GPRIN2: variants seen among roughly 807,000 people sequenced by gnomAD.
The protein encoded by GPRIN2 is G protein regulated inducer of neurite outgrowth 2.
A neutral mutation model predicts 0.3 loss-of-function variants in GPRIN2; 1 was observed. The ratio of observed to expected loss-of-function variants is 3.90; its 90% CI spans 1.39 to 18.51. The LOEUF is 18.51. Ranked by LOEUF, GPRIN2 falls within the 30% of genes most tolerant of loss-of-function variation. GPRIN2 has a pLI of 0.11. For synonymous variants in GPRIN2, 361 were observed against 258.6 expected, an observed-to-expected ratio of 1.40 and a Z score of -3.80; for missense variants, 880 against 604.2, an observed-to-expected ratio of 1.46 and a Z score of -4.79.
In GPRIN2 at chr10:46,550,253, A is replaced by G; in HGVS notation, c.484T>C (p.Ser162Pro). 8 of 1,610,424 alleles carry G rather than the reference A, an allele frequency of 5.0e-6. No homozygotes were observed. The highest frequency in any genetic ancestry group is 6.8e-6 in the Non-Finnish European group (8 of 1,177,994). The change falls in exon 3 of 3, where the codon TCT becomes CCT. Residue 162 changes from serine to proline, a missense_variant. Transcript: ENST00000374314. ...GCAGGGGCCTGGCCACCCTGGCCAG[A>G]AGTACCACCTGGCTGCAGCTGAGCC... The part of the protein sequence containing the change: ...HRAQLQPGGT[S>P]GQGGQAPAGL...
Position 46,548,305 on chromosome 10 carries a change from T to C in GPRIN2, c.*1055A>G, listed in dbSNP as rs1842352841. On this transcript the variant is annotated 3_prime_UTR_variant, in exon 3 of 3. Coordinates refer to ENST00000374314, the MANE Select transcript of GPRIN2 (RefSeq NM_001385282.1). ...CCACTGCCTAGCCTAGGTCAGGTCA[T>C]GTGGGCAAGCGAGCCCCCACAGCCT... 6.6e-6 allele frequency among the ~76,000 whole-genome samples: 1 copy of C among 151,924 alleles called. No individual in the cohort carries two copies. Among genetic ancestry groups the C allele is most frequent in the African/African-American group, 2.4e-5 (1 of 41,322 alleles).
chr10:46,547,089 C>T lies in GPRIN2; in HGVS notation c.*2271G>A, dbSNP rs962117650. On this transcript the variant is annotated 3_prime_UTR_variant, in exon 3 of 3. Coordinates refer to ENST00000374314, the MANE Select transcript of GPRIN2 (RefSeq NM_001385282.1). ...ACCCTGTGGCAGGTGGCCCTTTCTG[C>T]ACCTGCTGAACATGCCATTCACCTT... 6.6e-6 allele frequency among the ~76,000 whole-genome samples: 1 copy of T among 152,310 alleles called. No homozygotes were observed. The highest frequency in any genetic ancestry group is 1.5e-5 in the Non-Finnish European group (1 of 68,058).
rs1832337654 is a variant in GPRIN2, at chr10:46,550,533, C to T, written c.204G>A (p.Pro68=). ...CCCGTGCTGGCTTCATGCTCTCAGGCGGGTTCCCCTCTTCCTCCGGGGCCT... is the reference window on the plus strand; with the variant it reads ...CCCGTGCTGGCTTCATGCTCTCAGGTGGGTTCCCCTCTTCCTCCGGGGCCT... ...RPQAPEEEGN[P]PESMKPARAS... Residue 68 remains proline, a synonymous_variant, in exon 3 of 3, where the codon CCG becomes CCA. Transcript: ENST00000374314. The T allele has an allele frequency of 1.5e-4, 246 of 1,594,516 alleles. No individual in the cohort carries two copies. Among genetic ancestry groups the T allele is most frequent in the Middle Eastern group, 1.0e-3 (6 of 5,972 alleles).
rs1842975954 is a variant in GPRIN2 at position 46,554,701 on chromosome 10, A to AGATCAACCACCTATGTAGC, written c.-117-25_-117-7dup. ...CAGGTTCCACCTGTCAGCAACTGGAAGATCAACCACCTATGTAGCAATCAA... is the reference window on the plus strand; with the variant it reads ...CAGGTTCCACCTGTCAGCAACTGGAAGATCAACCACCTATGTAGCGATCAACCACCTATGTAGCAATCAA... On this transcript the variant is annotated splice_region_variant and splice_polypyrimidine_tract_variant and intron_variant, in intron 1 of 2. Coordinates refer to ENST00000374314, the MANE Select transcript of GPRIN2 (RefSeq NM_001385282.1). The AGATCAACCACCTATGTAGC allele has an allele frequency of 2.6e-5, 4 of 153,504 alleles. No individual in the cohort carries two copies. Among genetic ancestry groups the AGATCAACCACCTATGTAGC allele is most frequent in the Non-Finnish European group, 5.8e-5 (4 of 68,950 alleles). The allele number at this position is 153,504 out of a possible 1,614,324, so 9.5% of individuals were successfully genotyped here.
At position 46,549,401 on chromosome 10, in the gene GPRIN2, G is replaced by A. The variant is rs115817421; in HGVS notation, c.1336C>T (p.Arg446Cys). ...CCGGAGCAGCCGCAGCAGCTGGGGC[G>A]CCGCAGGGACTGCATGACAGCCCGC... ...PLRAVMQSLR[R>C]PSCCGCSGAA... is the part of the protein sequence containing the mutation. The change falls in exon 3 of 3, where the codon CGC becomes TGC. Residue 446 changes from arginine to cysteine, a missense_variant. By Grantham distance (180) the Arg-to-Cys change is radical. Transcript: ENST00000374314. The A allele has an allele frequency of 3.4e-3, 5,182 of 1,514,006 alleles. No individual in the cohort carries two copies. In the African/African-American group the frequency reaches 0.065, roughly 19 times the overall value. The allele number at this position is 1,514,006 out of a possible 1,614,324, so 93.8% of individuals were successfully genotyped here. A position where few individuals can be genotyped will look rare whatever the true frequency, so the allele number is the denominator to read the frequency against.
chr10:46,556,407 G>T (rs1831826875), intron 1 of GPRIN2, among the ~76,000 whole-genome samples, 91 bp downstream of exon 1: 140 of 152,302 alleles, frequency 9.2e-4, no homozygotes, highest in African/African-American at 3.1e-3. Context: ...CGCAGGCAGC[G>T]GGAAGGAGTG....
At position 46,547,360 on chromosome 10, in the gene GPRIN2, C is replaced by T. The variant is rs937973137; in HGVS notation, c.*2000G>A. Reference sequence around the variant, plus strand: ...ACTGAAATCTGGTCCCACCTCAGAACCCCTTCCACAGTTCCCTTAAAGTTC... The same window carrying T: ...ACTGAAATCTGGTCCCACCTCAGAATCCCTTCCACAGTTCCCTTAAAGTTC... On this transcript the variant is annotated 3_prime_UTR_variant, in exon 3 of 3. Transcript: ENST00000374314. Among the ~76,000 whole-genome samples the T allele has an allele frequency of 4.6e-5, 7 of 152,300 alleles. No homozygotes were observed. Among genetic ancestry groups the T allele is most frequent in the African/African-American group, 9.6e-5 (4 of 41,484 alleles).
rs1408303120 is a variant in GPRIN2 at position 46,546,350 on chromosome 10, G to A, written c.*3010C>T. 4.6e-5 allele frequency among the ~76,000 whole-genome samples: 7 copies of A among 152,298 alleles called. No homozygotes were observed. The highest frequency in any genetic ancestry group is 2.1e-4 in the South Asian group (1 of 4,838). ...CAGGGAGCCCCTGGAGCAGACAGAG[G>A]GGGGATTCCTGCTGAGGCAAGGGGC... On this transcript the variant is annotated 3_prime_UTR_variant, in exon 3 of 3. Coordinates refer to ENST00000374314, the MANE Select transcript of GPRIN2 (RefSeq NM_001385282.1).
chr10:46,551,257 G>T (rs1281329485), intron 2 of GPRIN2, among the ~76,000 whole-genome samples: 1 of 152,302 alleles, frequency 6.6e-6, no homozygotes, highest in African/African-American at 2.4e-5. Flanking sequence ...TGTGGACAGG[G>T]TCTCCTTGGT....
At chr10:46,553,144 A>AC (rs1216208130) in intron 2 of GPRIN2, among the ~76,000 whole-genome samples, 3 of 152,420 alleles carry the variant, frequency 2.0e-5, no homozygotes, top group African/African-American at 7.2e-5. Flanking sequence ...AGGCTCAGTG[A>AC]CCCCCAAGGG....
In GPRIN2 at chr10:46,543,100, C is replaced by T. The variant is rs1841878839; in HGVS notation, c.*6260G>A. On this transcript the variant is annotated 3_prime_UTR_variant, in exon 3 of 3. Coordinates refer to ENST00000374314, the MANE Select transcript of GPRIN2 (RefSeq NM_001385282.1). ...GCACAGCAACCCCAGGGAGACCTCC[C>T]TCTGTAAGGAGATGCTCAGATGTTT... Among the ~76,000 whole-genome samples, 3 of 152,312 alleles carry T rather than the reference C, an allele frequency of 2.0e-5. No homozygotes were observed. The highest frequency in any genetic ancestry group is 4.4e-5 in the Non-Finnish European group (3 of 68,058).
In GPRIN2 at chr10:46,544,561, C is replaced by T. The variant is rs1841995708; in HGVS notation, c.*4799G>A. 6.6e-6 allele frequency among the ~76,000 whole-genome samples: 1 copy of T among 152,310 alleles called. No homozygotes were observed. The highest frequency in any genetic ancestry group is 1.9e-4 in the East Asian group (1 of 5,208). On this transcript the variant is annotated 3_prime_UTR_variant, in exon 3 of 3. Coordinates refer to ENST00000374314, the MANE Select transcript of GPRIN2 (RefSeq NM_001385282.1). ...CTGGTTTCGAACTCCTGAGCTCAAGCAGTCAGCCCACCTCAGCCTCCCAAA... is the reference window on the plus strand; with the variant it reads ...CTGGTTTCGAACTCCTGAGCTCAAGTAGTCAGCCCACCTCAGCCTCCCAAA...
intron 2 of GPRIN2, among the ~76,000 whole-genome samples, chr10:46,553,712 C>T (rs1842861182): frequency 6.6e-6 from 1 of 152,308 alleles, no homozygotes; most frequent in African/African-American, 2.4e-5. Context: ...TTCCCTTCCC[C>T]ATTCCCCCTC....
intron 2 of GPRIN2, among the ~76,000 whole-genome samples, chr10:46,552,864 C>T (rs1832086219): frequency 2.6e-4 from 39 of 152,406 alleles, no homozygotes; most frequent in African/African-American, 8.4e-4. Context: ...AGACTTGTCC[C>T]TGGGAGGATC....
At position 46,549,206 on chromosome 10, in the gene GPRIN2, A is replaced by T; in HGVS notation, c.*154T>A. On this transcript the variant is annotated 3_prime_UTR_variant, in exon 3 of 3. Coordinates refer to ENST00000374314, the MANE Select transcript of GPRIN2 (RefSeq NM_001385282.1). ...CCAGCTGTGTAGGGCCGGAAGCCCC[A>T]GGCTGCAGTCCTGTGGTCTGGAGGC... 9.8e-7 allele frequency: 1 copy of T among 1,018,970 alleles called. No homozygotes were observed. The allele number at this position is 1,018,970 out of a possible 1,614,324, so 63.1% of individuals were successfully genotyped here.
intron 2 of GPRIN2, among the ~76,000 whole-genome samples, chr10:46,551,214 A>G (rs1194803321): frequency 1.3e-5 from 2 of 152,294 alleles, no homozygotes; most frequent in Non-Finnish European, 2.9e-5. Flanking sequence ...ATACTGGGCT[A>G]CTTCCTCCTG....
chr10:46,550,761 G>C lies in GPRIN2; in HGVS notation c.-6-19C>G, dbSNP rs1832251103. On this transcript the variant is annotated intron_variant, in intron 2 of 2. Coordinates refer to ENST00000374314, the MANE Select transcript of GPRIN2 (RefSeq NM_001385282.1). ...TGGCTGCCTGCAGAAGAGAGAAAGG[G>C]AGGGAGTGGAGTTGAGTTGGGTGGC... 1 of 1,494,820 alleles carries C rather than the reference G, an allele frequency of 6.7e-7. No individual in the cohort carries two copies. The highest frequency in any genetic ancestry group is 1.4e-5 in the African/African-American group (1 of 71,228). The allele number at this position is 1,494,820 out of a possible 1,614,324, so 92.6% of individuals were successfully genotyped here.
rs1832996623 is a variant in GPRIN2 at position 46,544,343 on chromosome 10, A to C, written c.*5017T>G. 3.3e-5 allele frequency among the ~76,000 whole-genome samples: 5 copies of C among 152,366 alleles called. No individual in the cohort carries two copies. In the East Asian group the frequency reaches 9.6e-4, roughly 29 times the overall value. On this transcript the variant is annotated 3_prime_UTR_variant, in exon 3 of 3. Coordinates refer to ENST00000374314, the MANE Select transcript of GPRIN2 (RefSeq NM_001385282.1). ...TCTTTCTTGTCTTTTTCTTTTTTTGAAACAGGGTCTGGCTCCGTCATCCAG... is the reference window on the plus strand; with the variant it reads ...TCTTTCTTGTCTTTTTCTTTTTTTGCAACAGGGTCTGGCTCCGTCATCCAG...
In GPRIN2 at chr10:46,543,793, C is replaced by G. The variant is rs2133153564; in HGVS notation, c.*5567G>C. Among the ~76,000 whole-genome samples the G allele has an allele frequency of 6.6e-6, 1 of 152,430 alleles. No homozygotes were observed. The highest frequency in any genetic ancestry group is 2.4e-5 in the African/African-American group (1 of 41,610). On this transcript the variant is annotated 3_prime_UTR_variant, in exon 3 of 3. Coordinates refer to ENST00000374314, the MANE Select transcript of GPRIN2 (RefSeq NM_001385282.1). ...AGCTCGTATTTTGGGGCCAGACCTT[C>G]CTCCTTGCTGGGCTATCTCGGGCTT... is the stretch of plus-strand genomic sequence containing the variant.
Sources: allele counts gnomAD v4.1 joint callset (sites outside exome capture counted in the v4.1 genomes callset), GRCh38; gene constraint gnomAD v4.1.1; transcripts MANE v1.5; gene names NCBI Gene and HGNC (gene_info 2026-07-23, HGNC 2026-07-21).